PHACTR1: variants seen among roughly 807,000 people sequenced by gnomAD.
PHACTR1 encodes RPEL repeat containing 1.
In PHACTR1, 16 loss-of-function variants were observed where a neutral mutation model predicts 69.2. The observed-to-expected ratio is 0.23, with a 90% CI of 0.16 to 0.35. The LOEUF is 0.35. Ranked by LOEUF, PHACTR1 falls within the 10% of genes least tolerant of loss-of-function variation. The pLI, the probability that PHACTR1 is intolerant of heterozygous loss-of-function variation, is 1.00. For synonymous variants in PHACTR1, 312 were observed against 284.5 expected (o/e 1.10, Z -0.97); for missense variants, 510 against 734.7 (o/e 0.69, Z 3.54).
intron 4 of PHACTR1, among the ~76,000 whole-genome samples, chr6:12,896,541 T>G (rs1784687732): frequency 6.6e-6 from 1 of 152,128 alleles, no homozygotes. Flanking sequence ...ATTAAGTGCT[T>G]CACAGGGGAT....
At chr6:13,281,899 G>A (rs936945131) in intron 12 of PHACTR1, among the ~76,000 whole-genome samples, 2 of 152,228 alleles carry the variant, frequency 1.3e-5, no homozygotes, top group Admixed American at 1.3e-4. Context: ...TGCAGTCTAG[G>A]CAGGGGGGCC....
chr6:13,088,740 C>T (rs1812722231), intron 5 of PHACTR1, among the ~76,000 whole-genome samples: 1 of 152,150 alleles, frequency 6.6e-6, no homozygotes, highest in Non-Finnish European at 1.5e-5. Context: ...ATGTCACAAA[C>T]TTGTCCCCAT....
At chr6:12,803,451 C>T (rs778031520) in intron 4 of PHACTR1, among the ~76,000 whole-genome samples, 1 of 151,932 alleles carries the variant, frequency 6.6e-6, no homozygotes, top group African/African-American at 2.4e-5. Context: ...TTGGGCCTCC[C>T]GAAAGGAAGA....
At chr6:13,223,774 C>T (rs969045430) in intron 8 of PHACTR1, among the ~76,000 whole-genome samples, 3 of 152,172 alleles carry the variant, frequency 2.0e-5, no homozygotes, top group East Asian at 1.9e-4. Flanking sequence ...CTGTCCCATA[C>T]GGTTGCTGGA....
chr6:12,897,198 A>G (rs781748177), intron 4 of PHACTR1, among the ~76,000 whole-genome samples: 8 of 152,260 alleles, frequency 5.3e-5, no homozygotes, highest in African/African-American at 7.2e-5. Flanking sequence ...CATAGTGGAC[A>G]TGGAAAATAT....
chr6:13,217,342 G>T (rs888376167), intron 8 of PHACTR1, among the ~76,000 whole-genome samples: 1 of 152,204 alleles, frequency 6.6e-6, no homozygotes, highest in Non-Finnish European at 1.5e-5. Context: ...GCACCATTCT[G>T]CTGACTCTCT....
chr6:13,018,320 G>A (rs1800469124), intron 4 of PHACTR1, among the ~76,000 whole-genome samples: 1 of 152,172 alleles, frequency 6.6e-6, no homozygotes, highest in African/African-American at 2.4e-5. Context: ...GAGGGAAGCA[G>A]TTTTCAATTG....
At chr6:13,138,913 T>C (rs1161889641) in intron 5 of PHACTR1, among the ~76,000 whole-genome samples, 1 of 152,236 alleles carries the variant, frequency 6.6e-6, no homozygotes, top group African/African-American at 2.4e-5. Flanking sequence ...AAGTTAAATA[T>C]GATCTTGCAA....
At chr6:12,920,944 G>GACTTAT (rs1787580171) in intron 4 of PHACTR1, among the ~76,000 whole-genome samples, 1 of 152,222 alleles carries the variant, frequency 6.6e-6, no homozygotes, top group Non-Finnish European at 1.5e-5. Context: ...TCAGCCTTTT[G>GACTTAT]AGTTGGATAC....
At chr6:12,869,209 T>C (rs939923714) in intron 4 of PHACTR1, among the ~76,000 whole-genome samples, 6 of 152,120 alleles carry the variant, frequency 3.9e-5, no homozygotes, top group Non-Finnish European at 5.9e-5. Flanking sequence ...CCCCAAGATG[T>C]ACAGAATGAG....
chr6:12,873,880 A>G (rs1782299344), intron 4 of PHACTR1, among the ~76,000 whole-genome samples: 2 of 152,234 alleles, frequency 1.3e-5, no homozygotes, highest in Admixed American at 1.3e-4. Flanking sequence ...TTTTGTAAAT[A>G]ACACTTACTG....
chr6:13,017,615 TTAAAAA>T (rs1800379773), intron 4 of PHACTR1, among the ~76,000 whole-genome samples: 1 of 152,184 alleles, frequency 6.6e-6, no homozygotes, highest in African/African-American at 2.4e-5. Flanking sequence ...TTACAAATAG[TTAAAAA>T]TCAAATTTAG....
intron 4 of PHACTR1, among the ~76,000 whole-genome samples, chr6:13,031,527 G>T (rs116629283): frequency 0.021 from 3,128 of 152,232 alleles, 104 homozygotes; most frequent in African/African-American, 0.07. Context: ...ACAATTTTTT[G>T]ATCTGATTCT....
intron 5 of PHACTR1, among the ~76,000 whole-genome samples, chr6:13,137,304 T>C (rs73369881): frequency 6.6e-6 from 1 of 152,328 alleles, no homozygotes; most frequent in African/African-American, 2.4e-5. Flanking sequence ...TCTGTTTTTC[T>C]TTTTATAGAA....
At chr6:13,195,859 A>G (rs1477603427) in intron 7 of PHACTR1, among the ~76,000 whole-genome samples, 6 of 151,516 alleles carry the variant, frequency 4.0e-5, no homozygotes, top group South Asian at 2.1e-4. Context: ...GGCTACAGCC[A>G]TACGGCACAA....
At chr6:12,758,758 C>T (rs1181646924) in intron 4 of PHACTR1, among the ~76,000 whole-genome samples, 10 of 152,048 alleles carry the variant, frequency 6.6e-5, no homozygotes, top group Non-Finnish European at 1.3e-4. Flanking sequence ...TATGGGGTCA[C>T]ATTTAAAGCT....
At chr6:13,253,256 G>C (rs1156830475) in intron 10 of PHACTR1, among the ~76,000 whole-genome samples, 2 of 152,188 alleles carry the variant, frequency 1.3e-5, no homozygotes, top group African/African-American at 4.8e-5. Flanking sequence ...TGCAGTCAGA[G>C]AAAGACATGG....
chr6:12,903,601 G>A (rs1422157361), intron 4 of PHACTR1, among the ~76,000 whole-genome samples: 3 of 152,218 alleles, frequency 2.0e-5, no homozygotes, highest in Admixed American at 6.5e-5. Flanking sequence ...TTTGCCCTTA[G>A]AAAGGTTTAT....
intron 3 of PHACTR1, among the ~76,000 whole-genome samples, chr6:12,742,874 A>T (rs529930624): frequency 6.6e-6 from 1 of 152,270 alleles, no homozygotes; most frequent in African/African-American, 2.4e-5. Context: ...GAAGAATAAT[A>T]AGTGTTCAAT....
Sources: gnomAD v4.1 joint callset for allele counts (sites outside exome capture counted in the v4.1 genomes callset) on GRCh38, gnomAD v4.1.1 for gene constraint, MANE v1.5 for transcripts, NCBI Gene and HGNC (gene_info 2026-07-23, HGNC 2026-07-21) for gene names.